The following CNTNAP3 variants were observed in gnomAD, a reference collection of about 807,000 sequenced individuals.
The protein encoded by CNTNAP3 is contactin associated protein family member 3, also known as contactin-associated protein-like 3.
Under a neutral mutation model 92.1 loss-of-function variants are expected in CNTNAP3, and 36 were observed. That is an observed-to-expected ratio of 0.39 (90% CI 0.30 to 0.52). The LOEUF (loss-of-function observed/expected upper bound fraction) is 0.52, where lower values mean the gene tolerates loss of function less well. Ranked by LOEUF, CNTNAP3 falls within the 20% of genes least tolerant of loss-of-function variation. The pLI is 0.76. For missense variants in CNTNAP3, 534 were observed against 1,069.6 expected (o/e 0.50, Z 6.98); for synonymous variants, 232 against 422.3 (o/e 0.55, Z 5.53).
intron 15 of CNTNAP3, among the ~76,000 whole-genome samples, chr9:39,105,992 C>T (rs1662505755): frequency 6.6e-6 from 1 of 152,028 alleles, no homozygotes; most frequent in Non-Finnish European, 1.5e-5. Flanking sequence ...TACAGTCTTC[C>T]TCCTTCCCAC....
intron 23 of CNTNAP3, among the ~76,000 whole-genome samples, chr9:39,076,954 T>TTAAA (rs1825789497): frequency 6.6e-6 from 1 of 150,588 alleles, no homozygotes; most frequent in Non-Finnish European, 1.5e-5. Flanking sequence ...AGACTCCCTC[T>TTAAA]CAAACAAACA....
intron 14 of CNTNAP3, among the ~76,000 whole-genome samples, chr9:39,112,586 G>A (rs1174466807): frequency 6.6e-6 from 1 of 152,034 alleles, no homozygotes; most frequent in Non-Finnish European, 1.5e-5. Context: ...GGCTGGTCTC[G>A]AACTCCTGAC....
intron 13 of CNTNAP3, among the ~76,000 whole-genome samples, chr9:39,122,358 A>C (rs1157335142): frequency 1.3e-5 from 2 of 152,098 alleles, no homozygotes; most frequent in African/African-American, 4.8e-5. Context: ...CTCTCAAAAA[A>C]ATTAAAATAA....
intron 13 of CNTNAP3, among the ~76,000 whole-genome samples, chr9:39,127,791 C>A (rs913736348): frequency 1.3e-5 from 2 of 151,920 alleles, no homozygotes; most frequent in African/African-American, 2.4e-5. Flanking sequence ...AAAAAAAAAT[C>A]TCTTGGCCCA....
intron 23 of CNTNAP3, among the ~76,000 whole-genome samples, chr9:39,076,097 G>T (rs896045648): frequency 2.0e-5 from 3 of 152,258 alleles, no homozygotes; most frequent in African/African-American, 7.2e-5. Context: ...ATTTCTCAGC[G>T]GAAGAGAACA....
At chr9:39,086,560 T>C in intron 20 of CNTNAP3, 156 bp downstream of exon 20, 3 of 927,158 alleles carry the variant, frequency 3.2e-6, no homozygotes, top group Admixed American at 5.9e-5. Flanking sequence ...ACCTCCTCTC[T>C]CCCAGATCCT....
chr9:39,129,467 T>C (rs978331907), intron 13 of CNTNAP3, among the ~76,000 whole-genome samples: 2 of 152,092 alleles, frequency 1.3e-5, no homozygotes, highest in African/African-American at 4.8e-5. Flanking sequence ...ACATCTTATA[T>C]AAAATGTGTC....
intron 23 of CNTNAP3, among the ~76,000 whole-genome samples, chr9:39,077,925 G>A (rs1008400603): frequency 1.3e-5 from 2 of 152,132 alleles, no homozygotes; most frequent in Non-Finnish European, 2.9e-5. Flanking sequence ...ATCAACGAAG[G>A]CCGGGCATGG....
chr9:39,147,739 A>G (rs989121031), intron 10 of CNTNAP3, among the ~76,000 whole-genome samples: 4 of 152,182 alleles, frequency 2.6e-5, no homozygotes, highest in African/African-American at 4.8e-5. Flanking sequence ...TTAGGCACCA[A>G]TGTAACTCTT....
chr9:39,130,477 C>T lies in CNTNAP3; in HGVS notation c.2080+2455G>A, dbSNP rs141203845. 7.6e-3 allele frequency among the ~76,000 whole-genome samples: 1,129 copies of T among 148,210 alleles called. 21 individuals carry two copies. Among genetic ancestry groups the T allele is most frequent in the African/African-American group, 0.027 (1,079 of 40,212 alleles). ...TGGAGAACATACTAGTGGTTATTAA[C>T]GAGCAATAGGAGGAATTCTTTTTTT... On this transcript the variant is annotated intron_variant, in intron 13 of 23. Coordinates refer to ENST00000297668, the MANE Select transcript of CNTNAP3 (RefSeq NM_033655.5).
At chr9:39,149,515 A>ATT (rs1373632899) in intron 10 of CNTNAP3, among the ~76,000 whole-genome samples, 1 of 117,150 alleles carries the variant, frequency 8.5e-6, no homozygotes, top group Non-Finnish European at 1.8e-5. Context: ...ACGCCTGGCT[A>ATT]ATTTTTTTTT....
intron 9 of CNTNAP3, among the ~76,000 whole-genome samples, chr9:39,162,076 T>A (rs1822088035): frequency 9.0e-6 from 1 of 110,676 alleles, no homozygotes; most frequent in South Asian, 2.8e-4. Flanking sequence ...TGGAAGAAAA[T>A]ATTCACAAAT....
At chr9:39,125,365 G>T (rs142883906) in intron 13 of CNTNAP3, among the ~76,000 whole-genome samples, 3 of 152,058 alleles carry the variant, frequency 2.0e-5, no homozygotes, top group Non-Finnish European at 2.9e-5. Context: ...TCATGGGGTG[G>T]GGGGAGAGGG....
intron 10 of CNTNAP3, among the ~76,000 whole-genome samples, chr9:39,149,109 T>C (rs968055116): frequency 6.6e-6 from 1 of 152,074 alleles, no homozygotes; most frequent in Non-Finnish European, 1.5e-5. Context: ...TAGCAGAAAT[T>C]ACTTTTTATT....
rs747808450 is a variant in CNTNAP3 at position 39,149,894 on chromosome 9, C to T, written c.1561G>A (p.Asp521Asn). The T allele has an allele frequency of 1.9e-6, 3 of 1,607,180 alleles. No individual in the cohort carries two copies. In the Admixed American group the frequency reaches 5.1e-5, roughly 27 times the overall value. The change falls in exon 10 of 24, where the codon GAC becomes AAC. Residue 521 changes from aspartate (D) to asparagine (N), a missense_variant. Transcript: ENST00000297668. ...QGCLRLITIG[D>N]KAVDPILVQQ... is the part of the protein sequence containing the mutation. ...ACTAAGATGGGATCCACCGCTTTGT[C>T]ACCAATGGTGATGAGCCTTAGGCAG...
intron 12 of CNTNAP3, among the ~76,000 whole-genome samples, chr9:39,134,231 G>T (rs1344267190): frequency 1.3e-5 from 2 of 152,026 alleles, no homozygotes; most frequent in Non-Finnish European, 2.9e-5. Context: ...GGAGAGGAAA[G>T]GTGTGATATC....
At chr9:39,117,887 A>C (rs969441919) in intron 14 of CNTNAP3, 1 of 1,078,172 alleles carries the variant, frequency 9.3e-7, no homozygotes, top group African/African-American at 1.7e-5. Context: ...AAAAATAAAA[A>C]ACACATTATA....
intron 13 of CNTNAP3, among the ~76,000 whole-genome samples, chr9:39,118,865 G>C (rs1354351969): frequency 2.6e-5 from 4 of 152,198 alleles, no homozygotes; most frequent in African/African-American, 9.7e-5. Context: ...AAGAAACAAA[G>C]TGCCCTGGGT....
intron 14 of CNTNAP3, 40 bp downstream of exon 14, chr9:39,118,063 A>G (rs764839838): frequency 1.0e-5 from 16 of 1,579,178 alleles, no homozygotes; most frequent in Middle Eastern, 4.7e-4. Flanking sequence ...TTAAAGAATA[A>G]AAACCACATT....
Sources: gnomAD v4.1 joint callset for allele counts (sites outside exome capture counted in the v4.1 genomes callset) on GRCh38, gnomAD v4.1.1 for gene constraint, MANE v1.5 for transcripts, NCBI Gene and HGNC (gene_info 2026-07-23, HGNC 2026-07-21) for gene names.